The following SERINC4 variants were observed in gnomAD, a reference collection of about 807,000 sequenced individuals.
The protein encoded by SERINC4 is serine incorporator 4.
SERINC4 carries 52 observed loss-of-function variants against 52.0 expected under a neutral mutation model. That is an observed-to-expected ratio of 1.00 (90% CI 0.80 to 1.26). The LOEUF (loss-of-function observed/expected upper bound fraction) is 1.26. Among genes scored for constraint, SERINC4 ranks in the 50% most tolerant of loss-of-function variants. The pLI is 0.00. For synonymous variants in SERINC4, 264 were observed against 247.7 expected (o/e 1.07, Z -0.62); for missense variants, 723 against 632.8 (o/e 1.14, Z -1.53).
rs1567171494 is a variant in SERINC4, at chr15:43,796,746, G to A, written c.941-4C>T. ...TGATTCTGTCCTTGAAGGATTACTG[G>A]GAAGGGACAACAGAAGAGATGGGTA... On this transcript the variant is annotated splice_region_variant and splice_polypyrimidine_tract_variant and intron_variant, in intron 7 of 11. Coordinates refer to ENST00000319327, the MANE Select transcript of SERINC4 (RefSeq NM_001258031.2). The A allele has an allele frequency of 6.2e-7, 1 of 1,614,162 alleles. No homozygotes were observed. Among genetic ancestry groups the A allele is most frequent in the Admixed American group, 1.7e-5 (1 of 60,020 alleles).
In SERINC4 at chr15:43,799,884, C is replaced by G; in HGVS notation, c.102+1G>C. The G allele has an allele frequency of 6.5e-7, 1 of 1,545,502 alleles. No homozygotes were observed. Among genetic ancestry groups the G allele is most frequent in the Non-Finnish European group, 8.7e-7 (1 of 1,144,168 alleles). On this transcript the variant is annotated splice_donor_variant, in intron 1 of 11. Coordinates refer to ENST00000319327, the MANE Select transcript of SERINC4 (RefSeq NM_001258031.2). LOFTEE classifies it high-confidence loss of function. ...CCACTCTCCCCTTCGCACCCTCTCA[C>G]CTGACAGAAGGGACTTTTCACTAGG...
Position 43,800,013 on chromosome 15 carries a change from C to T in SERINC4, c.-27G>A. The T allele has an allele frequency of 6.8e-7, 1 of 1,466,222 alleles. No homozygotes were observed. The highest frequency in any genetic ancestry group is 9.1e-7 in the Non-Finnish European group (1 of 1,098,750). The allele number at this position is 1,466,222 out of a possible 1,614,324, so 90.8% of individuals were successfully genotyped here. On this transcript the variant is annotated 5_prime_UTR_variant, in exon 1 of 12. Coordinates refer to ENST00000319327, the MANE Select transcript of SERINC4 (RefSeq NM_001258031.2). ...CTTGTCCCAGGGATTAGGCTTAGGT[C>T]CACCAGATGGAAGGCAGATGAGAGC...
chr15:43,795,474 C>T lies in SERINC4; in HGVS notation c.1257G>A (p.Gln419=), dbSNP rs2087189087. 1.9e-6 allele frequency: 3 copies of T among 1,614,216 alleles called. No homozygotes were observed. The highest frequency in any genetic ancestry group is 2.5e-6 in the Non-Finnish European group (3 of 1,180,038). Residue 419 remains glutamine (Q), a synonymous_variant, in exon 11 of 12, where the codon CAG becomes CAA. Coordinates refer to ENST00000319327, the MANE Select transcript of SERINC4 (RefSeq NM_001258031.2). ...AGGCAGAATAGTTGTAGGAAAGATGCTGGACTTGGACTGGAGGAGCTGGAG... is the reference window on the plus strand; with the variant it reads ...AGGCAGAATAGTTGTAGGAAAGATGTTGGACTTGGACTGGAGGAGCTGGAG... ...ETPPAPPVQV[Q]HLSYNYSAFH... is the part of the protein sequence containing the mutation.
intron 1 of SERINC4, 162 bp downstream of exon 1, chr15:43,799,723 C>T: frequency 1.2e-6 from 1 of 825,576 alleles, no homozygotes; most frequent in Non-Finnish European, 2.1e-6. Context: ...TTCTCTCGAC[C>T]TAAACACCTG....
At position 43,795,209 on chromosome 15, in the gene SERINC4, C is replaced by G; in HGVS notation, c.1348G>C (p.Glu450Gln). Residue 450 changes from glutamate to glutamine, a missense_variant, in exon 12 of 12, where the codon GAG becomes CAG. Coordinates refer to ENST00000319327, the MANE Select transcript of SERINC4 (RefSeq NM_001258031.2). ...AAGGTCTTTTCCAGTTCTGCTCCCT[C>G]ATAGCTGTGTAACCAAAGGCTCTGG... ...MVTLTNWFSY[E>Q]GAELEKTFIK... 6.2e-7 allele frequency: 1 copy of G among 1,614,086 alleles called. No homozygotes were observed. The highest frequency in any genetic ancestry group is 1.1e-5 in the South Asian group (1 of 91,072).
chr15:43,795,531 A>T lies in SERINC4; in HGVS notation c.1200T>A (p.Gly400=). 1 of 1,614,100 alleles carries T rather than the reference A, an allele frequency of 6.2e-7. No individual in the cohort carries two copies. Among genetic ancestry groups the T allele is most frequent in the East Asian group, 2.2e-5 (1 of 44,874 alleles). The change falls in exon 11 of 12, where the codon GGT becomes GGA. Residue 400 remains glycine (G), a synonymous_variant. Coordinates refer to ENST00000319327, the MANE Select transcript of SERINC4 (RefSeq NM_001258031.2). ...ETVEADKGQR[G]GAARPADQET... ...CTTGGTCAGCTGGCCTCGCAGCCCC[A>T]CCCCTTTGCCCTGGAGAGAGGAAAT...
At chr15:43,797,067 T>C (rs1398573858) in intron 6 of SERINC4, 78 bp downstream of exon 6, 4 of 1,447,106 alleles carry the variant, frequency 2.8e-6, no homozygotes, top group Non-Finnish European at 3.8e-6. Flanking sequence ...TATCAAATAA[T>C]TGAGATTAGG....
intron 5 of SERINC4, 95 bp downstream of exon 5, chr15:43,797,825 G>T: frequency 1.2e-6 from 1 of 823,116 alleles, no homozygotes; most frequent in Non-Finnish European, 2.1e-6. Flanking sequence ...GAAGCTGTGG[G>T]ACCAGTGCTC....
intron 8 of SERINC4, 183 bp downstream of exon 8, chr15:43,796,433 C>G (rs148538977): frequency 6.7e-6 from 5 of 747,716 alleles, no homozygotes; most frequent in African/African-American, 3.5e-5. Context: ...CCCCCACCCC[C>G]TTCATCTCAT....
At chr15:43,796,313 T>A (rs1490669915) in intron 8 of SERINC4, 86 bp from the exon 9 acceptor site, 3 of 1,020,188 alleles carry the variant, frequency 2.9e-6, no homozygotes, top group Non-Finnish European at 4.6e-6. Context: ...ATACTGGTAA[T>A]CCTCAAAAGG....
At chr15:43,797,889 G>A (rs1036122235) in intron 5 of SERINC4, 31 bp downstream of exon 5, 13 of 1,542,030 alleles carry the variant, frequency 8.4e-6, no homozygotes, top group South Asian at 2.2e-5. Context: ...AACCTCCCCA[G>A]GAAAAGCCTT....
chr15:43,799,704 AT>A, intron 1 of SERINC4, 180 bp downstream of exon 1: 1 of 812,242 alleles, frequency 1.2e-6, no homozygotes, highest in Non-Finnish European at 2.1e-6. Flanking sequence ...GGCTTGAGAT[AT>A]CTGACCTTTC....
At chr15:43,796,413 C>A (rs1048329435) in intron 8 of SERINC4, 186 bp from the exon 9 acceptor site, 3 of 711,610 alleles carry the variant, frequency 4.2e-6, no homozygotes, top group Non-Finnish European at 7.1e-6. Flanking sequence ...TTTAAATTCT[C>A]AAGTCATTCC....
intron 8 of SERINC4, 114 bp downstream of exon 8, chr15:43,796,502 C>G: frequency 8.4e-7 from 1 of 1,195,300 alleles, no homozygotes; most frequent in Non-Finnish European, 1.2e-6. Flanking sequence ...GGGAGCTTTT[C>G]TCACTCTAGT....
rs1200176871 is a variant in SERINC4 at position 43,798,962 on chromosome 15, T to C, written c.455A>G (p.Asn152Ser). Residue 152 changes from asparagine to serine, a missense_variant, in exon 3 of 12, where the codon AAT becomes AGT. Transcript: ENST00000319327. ...CACCCAGAAAGTACACACAAACCTA[T>C]TATGCAGCTGTGCCCGCGGGCTGGT... ...SPTSPRAQLH[N>S]SFWLLKLLFL... 2 of 1,550,510 alleles carry C rather than the reference T, an allele frequency of 1.3e-6. No homozygotes were observed. The highest frequency in any genetic ancestry group is 2.0e-5 in the Admixed American group (1 of 50,988).
In SERINC4 at chr15:43,796,181, C is replaced by G; in HGVS notation, c.1114G>C (p.Val372Leu). The change falls in exon 9 of 12, where the codon GTC becomes CTC. Residue 372 changes from valine to leucine, a missense_variant. Val to Leu is a conservative substitution (Grantham distance 32, BLOSUM62 1). Transcript: ENST00000319327. Reference protein sequence around the residue: ...LAEVFGPLWIVKVYSYEFQKP... With the variant: ...LAEVFGPLWILKVYSYEFQKP... The stretch of plus-strand genomic sequence containing the variant: ...TGAAACTCATAGCTGTAAACCTTGA[C>G]AATCCACAGGGGTCCAAATACCTCA... The G allele has an allele frequency of 6.2e-7, 1 of 1,613,888 alleles. No individual in the cohort carries two copies. The highest frequency in any genetic ancestry group is 8.5e-7 in the Non-Finnish European group (1 of 1,179,808).
At position 43,799,418 on chromosome 15, in the gene SERINC4, G is replaced by A. The variant is rs567839601; in HGVS notation, c.171C>T (p.Ser57=). The change falls in exon 2 of 12, where the codon TCC becomes TCT. Residue 57 remains serine (S), a synonymous_variant. Coordinates refer to ENST00000319327, the MANE Select transcript of SERINC4 (RefSeq NM_001258031.2). ...GGATGTAGAACAGGCGGCTGCAAGT[G>A]GATGCGGTGAGAGAGGGCCACCTAG... is the stretch of plus-strand genomic sequence containing the variant. ...CHSRWPSLTA[S]TCSRLFYILL... is the part of the protein sequence containing the mutation. 4.7e-5 allele frequency: 73 copies of A among 1,550,814 alleles called. No homozygotes were observed. The African/African-American group carries it at 8.9e-4, about 19-fold the overall frequency.
At position 43,795,698 on chromosome 15, in the gene SERINC4, C is replaced by T; in HGVS notation, c.1179G>A (p.Glu393=). ...TCACTTGGCACTCACCTTTGTCTGC[C>T]TCCACTGTTTCAGGGCAGCAGAAAC... The part of the protein sequence containing the change: ...SLCFCCPETV[E]ADKGQRGGAA... Residue 393 remains glutamate, a synonymous_variant, in exon 10 of 12, where the codon GAG becomes GAA. Transcript: ENST00000319327. The T allele has an allele frequency of 1.9e-6, 3 of 1,614,092 alleles. No homozygotes were observed. The highest frequency in any genetic ancestry group is 2.5e-6 in the Non-Finnish European group (3 of 1,179,984).
chr15:43,795,333 T>C (rs952460023), intron 11 of SERINC4, 55 bp downstream of exon 11: 21 of 1,608,324 alleles, frequency 1.3e-5, no homozygotes, highest in Middle Eastern at 3.3e-4. Flanking sequence ...TGAATTGCTC[T>C]TTCCTTAAAA....
Sources: gnomAD v4.1 joint callset for allele counts on GRCh38, gnomAD v4.1.1 for gene constraint, MANE v1.5 for transcripts, NCBI Gene and HGNC (gene_info 2026-07-23, HGNC 2026-07-21) for gene names.